PDE4D: variants seen among roughly 807,000 people sequenced by gnomAD.
The protein encoded by PDE4D is 3',5'-cyclic-AMP phosphodiesterase 4D.
In PDE4D, 24 loss-of-function variants were observed where a neutral mutation model predicts 87.4. That is an observed-to-expected ratio of 0.27 (90% CI 0.20 to 0.39). The LOEUF (loss-of-function observed/expected upper bound fraction) is 0.39, where lower values mean the gene tolerates loss of function less well. Among genes scored for constraint, PDE4D ranks in the 10% least tolerant of loss-of-function variants. PDE4D has a pLI of 1.00. For synonymous variants in PDE4D, 384 were observed against 383.2 expected, an observed-to-expected ratio of 1.00 and a Z score of -0.02; for missense variants, 714 against 1,041.0, an observed-to-expected ratio of 0.69 and a Z score of 4.32.
intron 1 of PDE4D, among the ~76,000 whole-genome samples, chr5:59,318,232 G>T (rs1424046414): frequency 6.6e-6 from 1 of 152,066 alleles, no homozygotes; most frequent in Non-Finnish European, 1.5e-5. Flanking sequence ...CAAATTCAGG[G>T]AATTGTTTCA....
At chr5:59,424,339 C>T (rs1794903212) in intron 1 of PDE4D, among the ~76,000 whole-genome samples, 1 of 152,176 alleles carries the variant, frequency 6.6e-6, no homozygotes, top group African/African-American at 2.4e-5. Context: ...AAGGGCCTCT[C>T]ATCAAAGAAA....
intron 1 of PDE4D, among the ~76,000 whole-genome samples, chr5:59,489,162 G>C (rs566444739): frequency 4.6e-5 from 7 of 151,786 alleles, no homozygotes; most frequent in Admixed American, 6.6e-5. Context: ...GTACTCAGGA[G>C]GCTGAGGCAG....
At chr5:60,335,434 C>T (rs1476752753) in intron 1 of PDE4D, among the ~76,000 whole-genome samples, 1 of 152,164 alleles carries the variant, frequency 6.6e-6, no homozygotes, top group Non-Finnish European at 1.5e-5. Flanking sequence ...CCCTCTCTCT[C>T]CTGATGGTTA....
At chr5:59,753,766 A>C (rs2150739205) in intron 1 of PDE4D, among the ~76,000 whole-genome samples, 1 of 152,344 alleles carries the variant, frequency 6.6e-6, no homozygotes, top group East Asian at 1.9e-4. Context: ...CATCAATTTC[A>C]AATGCTAATA....
intron 1 of PDE4D, among the ~76,000 whole-genome samples, chr5:59,760,903 A>T (rs1215986159): frequency 1.3e-5 from 2 of 152,204 alleles, no homozygotes; most frequent in East Asian, 3.9e-4. Context: ...CAGCTATAGT[A>T]ACAATATTTT....
intron 2 of PDE4D, among the ~76,000 whole-genome samples, chr5:60,092,571 T>A (rs1031226836): frequency 7.3e-6 from 1 of 136,536 alleles, no homozygotes; most frequent in Admixed American, 7.3e-5. Flanking sequence ...ACAATTCTTA[T>A]GTTTCAATAA....
intron 3 of PDE4D, among the ~76,000 whole-genome samples, chr5:59,980,320 C>CTT (rs1761789634): frequency 6.6e-6 from 1 of 152,136 alleles, no homozygotes; most frequent in South Asian, 2.1e-4. Flanking sequence ...AAGGAAAGGG[C>CTT]TTTGTTGAGT....
rs1296088644 is a variant in PDE4D, at chr5:59,762,330, GTATATGGGTACACATATGCA to G, written c.455+130818_455+130837del. Among the ~76,000 whole-genome samples the G allele has an allele frequency of 6.3e-3, 822 of 129,550 alleles. 82 individuals are homozygous for G. The highest frequency in any genetic ancestry group is 0.024 in the African/African-American group (691 of 28,766). The allele number at this position is 129,550 out of a possible 152,430, so 85.0% of individuals were successfully genotyped here. ...TATGCGTATATGGGTACACATATGC[GTATATGGGTACACATATGCA>G]TATATGTGTATATGGGTACACATGT... On this transcript the variant is annotated intron_variant, in intron 1 of 14. Transcript: ENST00000340635.
chr5:60,019,679 A>C (rs1765851854), intron 2 of PDE4D, among the ~76,000 whole-genome samples: 1 of 152,128 alleles, frequency 6.6e-6, no homozygotes, highest in African/African-American at 2.4e-5. Context: ...GCCTTCATAG[A>C]AATAAGGAGA....
chr5:59,945,465 G>C (rs921717763), intron 3 of PDE4D, among the ~76,000 whole-genome samples: 20 of 152,334 alleles, frequency 1.3e-4, no homozygotes, highest in Middle Eastern at 6.8e-3. Context: ...GAGGTTAAGA[G>C]AGGTAGGATT....
At chr5:60,443,987 T>C (rs1745445205) in intron 1 of PDE4D, among the ~76,000 whole-genome samples, 1 of 146,390 alleles carries the variant, frequency 6.8e-6, no homozygotes, top group Non-Finnish European at 1.5e-5. Context: ...ATGCTTTCAT[T>C]ACTTGTGATT....
chr5:59,094,582 T>C (rs891071389), intron 5 of PDE4D, among the ~76,000 whole-genome samples: 1 of 151,896 alleles, frequency 6.6e-6, no homozygotes, highest in African/African-American at 2.4e-5. Flanking sequence ...ACCAAGACAA[T>C]TGATCATGAA....
intron 2 of PDE4D, among the ~76,000 whole-genome samples, chr5:60,172,804 A>T (rs1432366122): frequency 6.6e-6 from 1 of 152,032 alleles, no homozygotes; most frequent in Non-Finnish European, 1.5e-5. Context: ...CTATTCACTT[A>T]CCAGAGTCCT....
chr5:59,229,190 G>A (rs922160473), intron 1 of PDE4D, among the ~76,000 whole-genome samples: 9 of 151,948 alleles, frequency 5.9e-5, no homozygotes, highest in African/African-American at 1.9e-4. Context: ...CCCCCAGCAG[G>A]TACAACAGTG....
At chr5:59,136,995 T>G (rs1483706011) in intron 5 of PDE4D, among the ~76,000 whole-genome samples, 1 of 152,174 alleles carries the variant, frequency 6.6e-6, no homozygotes, top group Non-Finnish European at 1.5e-5. Context: ...AGGAAATCCC[T>G]CAGTGCCAGG....
At chr5:59,753,486 G>A (rs1181354815) in intron 1 of PDE4D, among the ~76,000 whole-genome samples, 3 of 152,144 alleles carry the variant, frequency 2.0e-5, no homozygotes, top group Non-Finnish European at 4.4e-5. Flanking sequence ...GATCTTCCAC[G>A]TGGAAATGTC....
At chr5:60,022,996 A>G (rs1766236785) in intron 2 of PDE4D, among the ~76,000 whole-genome samples, 1 of 152,108 alleles carries the variant, frequency 6.6e-6, no homozygotes, top group South Asian at 2.1e-4. Context: ...CCAGCTCGGG[A>G]CATTAATGCT....
intron 1 of PDE4D, among the ~76,000 whole-genome samples, chr5:60,459,564 C>A (rs540339754): frequency 1.6e-4 from 25 of 152,172 alleles, no homozygotes; most frequent in Middle Eastern, 3.4e-3. Flanking sequence ...CAGCTTCCAG[C>A]AGAATGAAAG....
At chr5:59,227,671 A>C (rs2153514921) in intron 1 of PDE4D, among the ~76,000 whole-genome samples, 1 of 152,344 alleles carries the variant, frequency 6.6e-6, no homozygotes, top group South Asian at 2.1e-4. Flanking sequence ...TCATTAAAGA[A>C]ATACAAATCA....
Sources: gnomAD v4.1 joint callset for allele counts (sites outside exome capture counted in the v4.1 genomes callset) on GRCh38, gnomAD v4.1.1 for gene constraint, MANE v1.5 for transcripts, NCBI Gene and HGNC (gene_info 2026-07-23, HGNC 2026-07-21) for gene names.